Variants in EBF1 observed in about 807,000 individuals in gnomAD.
EBF1 encodes transcription factor COE1.
EBF1 carries 10 observed loss-of-function variants against 68.4 expected under a neutral mutation model. The observed-to-expected ratio is 0.15, with a 90% CI of 0.09 to 0.25. EBF1 has a LOEUF of 0.25. Ranked by LOEUF, EBF1 falls within the 10% of genes least tolerant of loss-of-function variation. The pLI is 1.00. For synonymous variants in EBF1, 298 were observed against 299.8 expected, an observed-to-expected ratio of 0.99 and a Z score of 0.06; for missense variants, 509 against 794.4, an observed-to-expected ratio of 0.64 and a Z score of 4.32.
At chr5:158,786,627 C>T (rs768930221) in intron 9 of EBF1, among the ~76,000 whole-genome samples, 8 of 152,132 alleles carry the variant, frequency 5.3e-5, no homozygotes, top group Non-Finnish European at 1.2e-4. Flanking sequence ...AGCTCTTTCT[C>T]AAGGCTTGTT....
At chr5:158,836,115 C>T (rs994331564) in intron 7 of EBF1, among the ~76,000 whole-genome samples, 1 of 152,122 alleles carries the variant, frequency 6.6e-6, no homozygotes, top group Admixed American at 6.5e-5. Flanking sequence ...GGAGGCAAAA[C>T]GAACAAACAG....
intron 6 of EBF1, among the ~76,000 whole-genome samples, chr5:159,051,754 C>T (rs1773801248): frequency 6.6e-6 from 1 of 152,052 alleles, no homozygotes; most frequent in Non-Finnish European, 1.5e-5. Context: ...TGGCCTCCAT[C>T]CCAGCCGATC....
rs1038333143 is a variant in EBF1, at chr5:158,928,286, G to T, written c.555-88176C>A. Among the ~76,000 whole-genome samples the T allele has an allele frequency of 2.6e-5, 4 of 152,010 alleles. No individual in the cohort carries two copies. The East Asian group carries it at 7.7e-4, about 29-fold the overall frequency. On this transcript the variant is annotated intron_variant, in intron 6 of 15. Coordinates refer to ENST00000313708, the MANE Select transcript of EBF1 (RefSeq NM_024007.5). ...AGAGTAAAATGCTTAGCACAGTGCC[G>T]GGCACATAGTAAGTGTTCAATAAAT...
At chr5:158,908,982 G>A (rs1352544018) in intron 6 of EBF1, among the ~76,000 whole-genome samples, 6 of 152,118 alleles carry the variant, frequency 3.9e-5, no homozygotes, top group African/African-American at 1.2e-4. Flanking sequence ...CCCTCCTGCC[G>A]TCTGTATTAT....
chr5:158,906,270 T>C (rs563315172), intron 6 of EBF1, among the ~76,000 whole-genome samples: 136 of 137,008 alleles, frequency 9.9e-4, no homozygotes, highest in South Asian at 1.6e-3. Context: ...TGCTTGGAAG[T>C]AGGCTGCCTG....
At chr5:158,775,569 C>T (rs1774953912) in intron 10 of EBF1, among the ~76,000 whole-genome samples, 1 of 151,948 alleles carries the variant, frequency 6.6e-6, no homozygotes, top group Non-Finnish European at 1.5e-5. Flanking sequence ...AAACAGAGTC[C>T]AAACTTCTCA....
At chr5:158,937,154 C>T (rs1490082916) in intron 6 of EBF1, among the ~76,000 whole-genome samples, 1 of 151,926 alleles carries the variant, frequency 6.6e-6, no homozygotes, top group Non-Finnish European at 1.5e-5. Context: ...GGTACTTTTC[C>T]TTGCATTCAA....
intron 15 of EBF1, among the ~76,000 whole-genome samples, chr5:158,700,717 C>T (rs767639060): frequency 4.0e-5 from 6 of 150,946 alleles, no homozygotes; most frequent in Non-Finnish European, 8.9e-5. Flanking sequence ...TCTGTATTCA[C>T]AAGGAAATTC....
At chr5:158,990,290 G>A (rs1348268526) in intron 6 of EBF1, among the ~76,000 whole-genome samples, 2 of 152,160 alleles carry the variant, frequency 1.3e-5, no homozygotes, top group African/African-American at 4.8e-5. Context: ...GAAGGCCTTG[G>A]GGCAACATTC....
intron 6 of EBF1, among the ~76,000 whole-genome samples, chr5:158,978,797 T>TACACACACACACACACACACAC (rs57930371): frequency 7.0e-6 from 1 of 142,916 alleles, no homozygotes; most frequent in Non-Finnish European, 1.5e-5. Context: ...CACACACACA[T>TACACACACACACACACACACAC]ACACACACAC....
In EBF1 at chr5:158,917,025, G is replaced by A. The variant is rs531466229; in HGVS notation, c.555-76915C>T. Among the ~76,000 whole-genome samples, 65 of 152,268 alleles carry A rather than the reference G, an allele frequency of 4.3e-4. 2 individuals carry two copies. The highest frequency in any genetic ancestry group is 1.2e-3 in the African/African-American group (51 of 41,550). On this transcript the variant is annotated intron_variant, in intron 6 of 15. Transcript: ENST00000313708. ...TCGAAATATACCAAGGACAGGGTAAGGCTCTTTCCTGGCACTCTTCACTAG... is the reference window on the plus strand; with the variant it reads ...TCGAAATATACCAAGGACAGGGTAAAGCTCTTTCCTGGCACTCTTCACTAG...
intron 6 of EBF1, among the ~76,000 whole-genome samples, chr5:159,064,519 T>C (rs1254245219): frequency 6.6e-6 from 1 of 152,178 alleles, no homozygotes; most frequent in African/African-American, 2.4e-5. Context: ...TGAGATGGTA[T>C]ACCCCGACGT....
chr5:158,939,750 C>A lies in EBF1; in HGVS notation c.555-99640G>T, dbSNP rs145810648. On this transcript the variant is annotated intron_variant, in intron 6 of 15. Coordinates refer to ENST00000313708, the MANE Select transcript of EBF1 (RefSeq NM_024007.5). ...TGGAGGATTAACCGTGTCTGCTTTC[C>A]GGGCGGGGGTGGGGGAGGCTGCGAG... Among the ~76,000 whole-genome samples, 6 of 66,988 alleles carry A rather than the reference C, an allele frequency of 9.0e-5. No homozygotes were observed. In the East Asian group the frequency reaches 2.8e-3, roughly 32 times the overall value. 43.9% of individuals were successfully genotyped at this position (66,988 alleles called of 152,430 possible).
intron 7 of EBF1, among the ~76,000 whole-genome samples, chr5:158,835,895 C>T (rs1359204536): frequency 2.6e-5 from 4 of 152,140 alleles, no homozygotes; most frequent in South Asian, 2.1e-4. Flanking sequence ...ATACTTTGCA[C>T]AATGTCTCTC....
intron 10 of EBF1, among the ~76,000 whole-genome samples, chr5:158,734,896 G>T (rs1037575850): frequency 1.3e-5 from 2 of 152,128 alleles, no homozygotes. Context: ...ACTCTGAAAA[G>T]GGTCTGAGAG....
intron 6 of EBF1, among the ~76,000 whole-genome samples, chr5:158,973,968 G>C (rs1756197454): frequency 6.6e-6 from 1 of 152,170 alleles, no homozygotes; most frequent in Admixed American, 6.5e-5. Context: ...TAGATCTTAT[G>C]AACAGCAGTT....
intron 10 of EBF1, among the ~76,000 whole-genome samples, chr5:158,774,159 C>A (rs538376351): frequency 6.6e-6 from 1 of 152,076 alleles, no homozygotes. Context: ...AACACAAGGG[C>A]ATGGCACATT....
At chr5:158,888,983 C>A (rs1800612140) in intron 6 of EBF1, among the ~76,000 whole-genome samples, 1 of 152,044 alleles carries the variant, frequency 6.6e-6, no homozygotes, top group Non-Finnish European at 1.5e-5. Flanking sequence ...TCTTCCTTTC[C>A]TGCTCCCATC....
intron 6 of EBF1, among the ~76,000 whole-genome samples, chr5:158,860,535 G>C (rs11748882): frequency 6.6e-6 from 1 of 152,072 alleles, no homozygotes; most frequent in Non-Finnish European, 1.5e-5. Context: ...CACCTCTCAC[G>C]ATTTCCACTG....
Sources: allele counts gnomAD v4.1 joint callset (sites outside exome capture counted in the v4.1 genomes callset), GRCh38; gene constraint gnomAD v4.1.1; transcripts MANE v1.5; gene names NCBI Gene and HGNC (gene_info 2026-07-23, HGNC 2026-07-21).